WDFY3: variants seen among roughly 807,000 people sequenced by gnomAD.
The protein encoded by WDFY3 is WD repeat and FYVE domain containing 3.
WDFY3 carries 66 observed loss-of-function variants against 409.6 expected under a neutral mutation model. That is an observed-to-expected ratio of 0.16 (90% CI 0.13 to 0.20). The LOEUF (loss-of-function observed/expected upper bound fraction) is 0.20. Among genes scored for constraint, WDFY3 ranks in the 10% least tolerant of loss-of-function variants. The pLI, the probability that WDFY3 is intolerant of heterozygous loss-of-function variation, is 1.00. For synonymous variants in WDFY3, 1,521 were observed against 1,537.1 expected (o/e 0.99, Z 0.25); for missense variants, 3,031 against 4,298.1 (o/e 0.71, Z 8.24).
chr4:84,766,332 A>G lies in WDFY3; in HGVS notation c.4890T>C (p.Leu1630=). The G allele has an allele frequency of 3.7e-6, 6 of 1,602,922 alleles. No homozygotes were observed. The highest frequency in any genetic ancestry group is 5.1e-6 in the Non-Finnish European group (6 of 1,176,708). ...EEFGGLVSAN[L]ILLRNRLLDI... ...CCAGAAGTCTGTTCCTCAAAAGTAT[A>G]AGATTAGCTGATACAAGACCTCCAA... The change falls in exon 31 of 68, where the codon CTT becomes CTC. Residue 1630 remains leucine (L), a synonymous_variant. Coordinates refer to ENST00000295888, the MANE Select transcript of WDFY3 (RefSeq NM_014991.6).
intron 10 of WDFY3, among the ~76,000 whole-genome samples, chr4:84,824,137 C>T (rs1220276018): frequency 6.6e-6 from 1 of 152,114 alleles, no homozygotes; most frequent in African/African-American, 2.4e-5. Flanking sequence ...CAAAGTATTA[C>T]AATATTCTCC....
intron 2 of WDFY3, among the ~76,000 whole-genome samples, chr4:84,903,344 G>C (rs1766588578): frequency 6.6e-6 from 1 of 152,124 alleles, no homozygotes; most frequent in Non-Finnish European, 1.5e-5. Context: ...GGAGTTTGTT[G>C]CTTCTCACTC....
intron 56 of WDFY3, 95 bp from the exon 57 acceptor site, chr4:84,696,918 C>T: frequency 9.3e-7 from 1 of 1,073,074 alleles, no homozygotes; most frequent in Non-Finnish European, 1.4e-6. Context: ...GGGTTAGATT[C>T]AATACCAGAA....
At chr4:84,916,534 T>C (rs1768513047) in intron 2 of WDFY3, among the ~76,000 whole-genome samples, 1 of 152,162 alleles carries the variant, frequency 6.6e-6, no homozygotes, top group Admixed American at 6.6e-5. Context: ...ACTGATCAGT[T>C]TGTACTCAGG....
intron 3 of WDFY3, among the ~76,000 whole-genome samples, chr4:84,874,596 T>C (rs1261380042): frequency 2.0e-5 from 3 of 152,258 alleles, no homozygotes; most frequent in South Asian, 2.1e-4. Context: ...TTAGGCCCTT[T>C]CAGTCCTCTA....
chr4:84,717,044 T>C, intron 48 of WDFY3, 28 bp from the exon 49 acceptor site: 1 of 1,540,316 alleles, frequency 6.5e-7, no homozygotes, highest in Non-Finnish European at 8.7e-7. Flanking sequence ...AAAAAGCAAA[T>C]AAAAACACAG....
chr4:84,693,638 C>G (rs1456074494), intron 58 of WDFY3, among the ~76,000 whole-genome samples: 2 of 152,156 alleles, frequency 1.3e-5, no homozygotes, highest in African/African-American at 4.8e-5. Context: ...TGGCTCATGC[C>G]TGTAATCCCA....
At chr4:84,793,055 G>C (rs1406315106) in intron 21 of WDFY3, among the ~76,000 whole-genome samples, 1 of 152,208 alleles carries the variant, frequency 6.6e-6, no homozygotes, top group Non-Finnish European at 1.5e-5. Flanking sequence ...AGAAATATTA[G>C]GGAGGCATAT....
intron 44 of WDFY3, among the ~76,000 whole-genome samples, chr4:84,730,800 T>C (rs1349653551): frequency 1.3e-5 from 2 of 151,782 alleles, no homozygotes; most frequent in Middle Eastern, 3.4e-3. Flanking sequence ...AAAATCTCTC[T>C]CTCTGTATTT....
At chr4:84,701,355 G>C (rs1297529440) in intron 56 of WDFY3, among the ~76,000 whole-genome samples, 1 of 152,180 alleles carries the variant, frequency 6.6e-6, no homozygotes, top group Non-Finnish European at 1.5e-5. Context: ...CACAAAGGTA[G>C]AGTTGCTGAT....
intron 1 of WDFY3, among the ~76,000 whole-genome samples, chr4:84,961,853 G>T (rs1774963934): frequency 6.6e-6 from 1 of 152,106 alleles, no homozygotes; most frequent in Non-Finnish European, 1.5e-5. Flanking sequence ...AATGTAAAAT[G>T]ATATCACCAT....
At position 84,743,798 on chromosome 4, in the gene WDFY3, G is replaced by A; in HGVS notation, c.5975C>T (p.Ala1992Val). The change falls in exon 37 of 68, where the codon GCT (alanine) becomes GTT (valine). Residue 1992 changes from alanine (A) to valine (V), a missense_variant and splice_region_variant. This residue lies in a region of WDFY3 where 314 missense variants were observed against 397.4 expected (regional missense o/e 0.79). Transcript: ENST00000295888. ...AGTTCTTGTAGACCTTTCAGGGGAAGCCTAATCAAGAAAATTTAGAATTAG... is the reference window on the plus strand; with the variant it reads ...AGTTCTTGTAGACCTTTCAGGGGAAACCTAATCAAGAAAATTTAGAATTAG... ...QTPLIDLLLE[A>V]SPERSTRTQQ... 2 of 1,554,850 alleles carry A rather than the reference G, an allele frequency of 1.3e-6. No homozygotes were observed. The highest frequency in any genetic ancestry group is 1.7e-6 in the Non-Finnish European group (2 of 1,148,966).
chr4:84,949,542 G>C (rs765395663), intron 1 of WDFY3, among the ~76,000 whole-genome samples: 1 of 152,164 alleles, frequency 6.6e-6, no homozygotes, highest in Non-Finnish European at 1.5e-5. Context: ...AGCAATGAAA[G>C]AGTATATATA....
At chr4:84,906,257 C>G (rs1264995825) in intron 2 of WDFY3, among the ~76,000 whole-genome samples, 2 of 152,118 alleles carry the variant, frequency 1.3e-5, no homozygotes, top group African/African-American at 4.8e-5. Flanking sequence ...ATGAAGTATA[C>G]AAATATAACT....
rs2149726879 is a variant in WDFY3, at chr4:84,810,006, CTGTG to C, written c.2222_2225del (p.Thr741SerfsTer7). 6.2e-7 allele frequency: 1 copy of C among 1,614,130 alleles called. No homozygotes were observed. Among genetic ancestry groups the C allele is most frequent in the Non-Finnish European group, 8.5e-7 (1 of 1,180,004 alleles). On this transcript the variant is annotated frameshift_variant, in exon 14 of 68. Transcript: ENST00000295888. LOFTEE classifies it high-confidence loss of function. Reference sequence around the variant, plus strand: ...CTTCCTCTAAAAGTCTTTGAAATGGCTGTGTATTTGAGGGGAAGACATTCATGGC... The same window carrying C: ...CTTCCTCTAAAAGTCTTTGAAATGGCTATTTGAGGGGAAGACATTCATGGC...
intron 51 of WDFY3, among the ~76,000 whole-genome samples, chr4:84,710,285 T>C (rs926842067): frequency 1.3e-5 from 2 of 152,182 alleles, no homozygotes; most frequent in African/African-American, 4.8e-5. Context: ...AGTAGGTACA[T>C]AATGCATTAA....
intron 1 of WDFY3, among the ~76,000 whole-genome samples, chr4:84,959,264 A>G (rs747318107): frequency 3.3e-5 from 5 of 152,172 alleles, no homozygotes; most frequent in Non-Finnish European, 7.3e-5. Flanking sequence ...CGCCTCTTTG[A>G]TAATGACTTA....
At position 84,721,565 on chromosome 4, in the gene WDFY3, G is replaced by C. The variant is rs1312432042; in HGVS notation, c.7449C>G (p.Val2483=). The C allele has an allele frequency of 6.2e-7, 1 of 1,605,040 alleles. No individual in the cohort carries two copies. Among genetic ancestry groups the C allele is most frequent in the Non-Finnish European group, 8.5e-7 (1 of 1,179,950 alleles). Residue 2483 remains valine, a synonymous_variant, in exon 47 of 68, where the codon GTC becomes GTG. Transcript: ENST00000295888. The part of the protein sequence containing the change: ...EDTIAKVKGL[V]KPPLKRSRSA... ...ATCGGGAGCGTTTTAGAGGAGGCTTGACCAAACCTACAGTATAATAACCAA... is the reference window on the plus strand; with the variant it reads ...ATCGGGAGCGTTTTAGAGGAGGCTTCACCAAACCTACAGTATAATAACCAA...
chr4:84,774,816 C>T lies in WDFY3; in HGVS notation c.4754+4G>A. On this transcript the variant is annotated splice_donor_region_variant and intron_variant, in intron 29 of 67. Transcript: ENST00000295888. ...AAAGACAAAGACAAAGAAGTTTTTCCTACCTGAGCAGATCATTGCTGCTAG... is the reference window on the plus strand; with the variant it reads ...AAAGACAAAGACAAAGAAGTTTTTCTTACCTGAGCAGATCATTGCTGCTAG... 6.3e-7 allele frequency: 1 copy of T among 1,584,632 alleles called. No individual in the cohort carries two copies. Among genetic ancestry groups the T allele is most frequent in the Non-Finnish European group, 8.5e-7 (1 of 1,171,678 alleles).
Sources: allele counts gnomAD v4.1 joint callset (sites outside exome capture counted in the v4.1 genomes callset), GRCh38; gene constraint gnomAD v4.1.1; regional missense constraint gnomAD v4.1.1; transcripts MANE v1.5; gene names NCBI Gene and HGNC (gene_info 2026-07-23, HGNC 2026-07-21).